Variants in SLC38A10 observed in about 807,000 individuals in gnomAD.
SLC38A10 encodes the protein solute carrier family 38 member 10, also known as Sodium-coupled neutral amino acid transporter 10.
SLC38A10 carries 53 observed loss-of-function variants against 81.0 expected under a neutral mutation model. The observed-to-expected ratio is 0.65, with a 90% CI of 0.53 to 0.82. SLC38A10 has a LOEUF of 0.82. SLC38A10 is among the 40% of genes least tolerant of loss of function. The probability of loss-of-function intolerance (pLI) is 0.00; values close to 1 mark genes in which losing one functional copy is unlikely to be tolerated. For missense variants in SLC38A10, 1,471 were observed against 1,545.0 expected, an observed-to-expected ratio of 0.95 and a Z score of 0.80; for synonymous variants, 665 against 655.3, an observed-to-expected ratio of 1.01 and a Z score of -0.23.
In SLC38A10 at chr17:81,246,436, C is replaced by A. The variant is rs746961245; in HGVS notation, c.2480G>T (p.Arg827Leu). ...ATCTCTCAGCTTGGCCTGGGCTGCC[C>A]GAGGCTCTGTGTCAGGGCCGCCGTC... ...PPDGGPDTEP[R>L]AAQAKLRDGQ... is the part of the protein sequence containing the mutation. The change falls in exon 16 of 16, where the codon CGG becomes CTG. Residue 827 changes from arginine to leucine, a missense_variant. By Grantham distance (102) the Arg-to-Leu change is moderately radical. Around this residue, in one of 2 missense-constraint regions of SLC38A10, gnomAD observed 751 missense variants for 717.4 expected, o/e 1.05. Coordinates refer to ENST00000374759, the MANE Select transcript of SLC38A10 (RefSeq NM_001037984.3). 1 of 1,595,644 alleles carries A rather than the reference C, an allele frequency of 6.3e-7. No homozygotes were observed. Among genetic ancestry groups the A allele is most frequent in the Admixed American group, 1.7e-5 (1 of 57,726 alleles).
In SLC38A10 at chr17:81,245,711, C is replaced by T. The variant is rs201229129; in HGVS notation, c.3205G>A (p.Gly1069Arg). 3.1e-5 allele frequency: 49 copies of T among 1,602,244 alleles called. No homozygotes were observed. The highest frequency in any genetic ancestry group is 2.9e-4 in the East Asian group (13 of 44,572). Residue 1069 changes from glycine (G) to arginine (R), a missense_variant, in exon 16 of 16, where the codon GGG becomes AGG. Coordinates refer to ENST00000374759, the MANE Select transcript of SLC38A10 (RefSeq NM_001037984.3). ...AGGGGGTTAAGGCCAATGATGACCC[C>T]ATCCCTCGGGGCCAGCTGACCCTCT... Reference protein sequence around the residue: ...HAEGQLAPRDGVIIGLNPLPD... With the variant: ...HAEGQLAPRDRVIIGLNPLPD...
At chr17:81,266,943 A>G (rs993699668) in intron 10 of SLC38A10, among the ~76,000 whole-genome samples, 5 of 152,272 alleles carry the variant, frequency 3.3e-5, no homozygotes, top group African/African-American at 1.2e-4. Flanking sequence ...AGAAAATAAA[A>G]CAAAGACTAT....
intron 11 of SLC38A10, among the ~76,000 whole-genome samples, chr17:81,255,255 T>C (rs2146895320): frequency 6.6e-6 from 1 of 152,392 alleles, no homozygotes; most frequent in Middle Eastern, 3.4e-3. Flanking sequence ...AGCCAAGGGC[T>C]GCACTCACAG....
chr17:81,259,603 G>T (rs904482341), intron 11 of SLC38A10, among the ~76,000 whole-genome samples: 2 of 152,190 alleles, frequency 1.3e-5, no homozygotes, highest in Admixed American at 6.5e-5. Flanking sequence ...CGGAGCTGCG[G>T]CTGCACCTGG....
In SLC38A10 at chr17:81,286,854, CT is replaced by C. The variant is rs921311836; in HGVS notation, c.218-1960del. 1.3e-5 allele frequency among the ~76,000 whole-genome samples: 2 copies of C among 152,142 alleles called. No homozygotes were observed. Among genetic ancestry groups the C allele is most frequent in the Non-Finnish European group, 2.9e-5 (2 of 68,034 alleles). Reference sequence around the variant, plus strand: ...AGGCCGCGTGGGGGCCAAACAGTCCCTGCTGCTGGGGGAGGCGGTTTCTAGC... The same window carrying C: ...AGGCCGCGTGGGGGCCAAACAGTCCCGCTGCTGGGGGAGGCGGTTTCTAGC... On this transcript the variant is annotated intron_variant, in intron 2 of 15. Coordinates refer to ENST00000374759, the MANE Select transcript of SLC38A10 (RefSeq NM_001037984.3). This position sits in a 1 kb window ranked among gnomAD's most constrained non-coding sequence, Gnocchi z 6.0.
At position 81,245,191 on chromosome 17, in the gene SLC38A10, C is replaced by T. The variant is rs990124248; in HGVS notation, c.*365G>A. On this transcript the variant is annotated 3_prime_UTR_variant, in exon 16 of 16. Transcript: ENST00000374759. ...ACGGCCGAGCTCAACCCGAAGACCA[C>T]GCGTGCTCCCTGGCAGGAGCAGGAG... 8.2e-6 allele frequency: 2 copies of T among 244,760 alleles called. No homozygotes were observed. Among genetic ancestry groups the T allele is most frequent in the Non-Finnish European group, 1.6e-5 (2 of 126,394 alleles). The allele number at this position is 244,760 out of a possible 1,614,324, so 15.2% of individuals were successfully genotyped here.
At chr17:81,271,871 C>G (rs2063118807) in intron 9 of SLC38A10, among the ~76,000 whole-genome samples, 1 of 151,210 alleles carries the variant, frequency 6.6e-6, no homozygotes, top group Non-Finnish European at 1.5e-5. Flanking sequence ...GGACTACAGG[C>G]ACCCGCCACC....
At chr17:81,247,180 CA>C in intron 14 of SLC38A10, 119 bp from the exon 15 acceptor site, 4 of 1,016,222 alleles carry the variant, frequency 3.9e-6, no homozygotes, top group Non-Finnish European at 5.5e-6. Flanking sequence ...TGTGCCCGAA[CA>C]CTGGCCACTG....
chr17:81,287,533 C>T (rs2063277813), intron 2 of SLC38A10, among the ~76,000 whole-genome samples: 1 of 152,254 alleles, frequency 6.6e-6, no homozygotes, highest in Admixed American at 6.5e-5. Flanking sequence ...CCAGGGGCCT[C>T]TGTCCGGAGC....
rs1206691543 is a variant in SLC38A10 at position 81,280,708 on chromosome 17, C to A, written c.527G>T (p.Gly176Val). The change falls in exon 6 of 16, where the codon GGC (glycine) becomes GTC (valine). Residue 176 changes from glycine (G) to valine (V), a missense_variant. By Grantham distance (109) the Gly-to-Val change is moderately radical. This residue lies in a region of SLC38A10 where 720 missense variants were observed against 827.7 expected (regional missense o/e 0.87). Coordinates refer to ENST00000374759, the MANE Select transcript of SLC38A10 (RefSeq NM_001037984.3). ...CCGCAGCCACTGCCCACTGAAGAGG[C>A]CGTGCTTGAGAGAGGAGAGCACGAT... ...FVIVLSSLKH[G>V]LFSGQWLRRV... The A allele has an allele frequency of 6.2e-7, 1 of 1,613,508 alleles. No homozygotes were observed. The highest frequency in any genetic ancestry group is 8.5e-7 in the Non-Finnish European group (1 of 1,179,828).
At chr17:81,279,082 C>A (rs2063186179) in intron 6 of SLC38A10, among the ~76,000 whole-genome samples, 1 of 152,248 alleles carries the variant, frequency 6.6e-6, no homozygotes, top group Non-Finnish European at 1.5e-5. Context: ...AAGGCAGCCT[C>A]TGAGCCTCAG....
chr17:81,275,727 G>A (rs1428273152), intron 8 of SLC38A10, among the ~76,000 whole-genome samples: 3 of 45,986 alleles, frequency 6.5e-5, no homozygotes, highest in East Asian at 2.8e-4. Flanking sequence ...GCGAAACTCC[G>A]TCTCAAAAAA....
At chr17:81,278,287 G>C (rs1467928939) in intron 6 of SLC38A10, among the ~76,000 whole-genome samples, 1 of 152,226 alleles carries the variant, frequency 6.6e-6, no homozygotes, top group Non-Finnish European at 1.5e-5. Context: ...GGGAGGCCGA[G>C]GCAGGAGGAT....
At chr17:81,260,541 C>A in intron 10 of SLC38A10, 147 bp from the exon 11 acceptor site, 2 of 1,134,754 alleles carry the variant, frequency 1.8e-6, no homozygotes, top group Non-Finnish European at 2.4e-6. Flanking sequence ...ACGGGACAGG[C>A]GTGCAGTCGG....
At chr17:81,293,147 A>G (rs951702504) in intron 1 of SLC38A10, among the ~76,000 whole-genome samples, 2 of 152,230 alleles carry the variant, frequency 1.3e-5, no homozygotes, top group Non-Finnish European at 2.9e-5. Flanking sequence ...TGGGTGACAG[A>G]GCGAGACTCC....
chr17:81,247,109 C>T lies in SLC38A10; in HGVS notation c.2066-48G>A, dbSNP rs377118913. The T allele has an allele frequency of 2.0e-4, 304 of 1,527,250 alleles. 1 individual carries two copies. In the African/African-American group the frequency reaches 3.8e-3, roughly 19 times the overall value. The allele number at this position is 1,527,250 out of a possible 1,614,324, so 94.6% of individuals were successfully genotyped here. A position where few individuals can be genotyped will look rare whatever the true frequency, so the allele number is the denominator to read the frequency against. ...CAGAGTGCCCGGGCTGCTCATGCAC[C>T]GTGCTGGGCCAGGGACGGCGCGGCC... On this transcript the variant is annotated intron_variant, in intron 14 of 15. Transcript: ENST00000374759.
At chr17:81,293,304 G>A (rs1330872881) in intron 1 of SLC38A10, among the ~76,000 whole-genome samples, 1 of 152,252 alleles carries the variant, frequency 6.6e-6, no homozygotes, top group Non-Finnish European at 1.5e-5. Context: ...GAGGTGGCTG[G>A]CAGAAAGCTG....
chr17:81,289,876 A>C lies in SLC38A10; in HGVS notation c.100-68T>G. 2 of 1,326,496 alleles carry C rather than the reference A, an allele frequency of 1.5e-6. No individual in the cohort carries two copies. Among genetic ancestry groups the C allele is most frequent in the Non-Finnish European group, 1.0e-6 (1 of 975,216 alleles). The allele number at this position is 1,326,496 out of a possible 1,614,324, so 82.2% of individuals were successfully genotyped here. On this transcript the variant is annotated intron_variant, in intron 1 of 15. Coordinates refer to ENST00000374759, the MANE Select transcript of SLC38A10 (RefSeq NM_001037984.3). The surrounding 1 kb of genome is among the most constrained non-coding windows in gnomAD (Gnocchi z 5.9). ...CTCCCCAGAGGCCCTCACCCCACAC[A>C]CGCGGCTCATGAGGACCCTCTTCAC... is the stretch of plus-strand genomic sequence containing the variant.
In SLC38A10 at chr17:81,246,103, G is replaced by C. The variant is rs371531250; in HGVS notation, c.2813C>G (p.Ala938Gly). The C allele has an allele frequency of 2.7e-5, 44 of 1,608,636 alleles. No homozygotes were observed. In the Admixed American group the frequency reaches 6.2e-4, roughly 23 times the overall value. The change falls in exon 16 of 16, where the codon GCA becomes GGA. Residue 938 changes from alanine to glycine, a missense_variant. Ala to Gly is a moderately conservative substitution (Grantham distance 60). This residue lies in a region of SLC38A10 where 751 missense variants were observed against 717.4 expected (regional missense o/e 1.05). Transcript: ENST00000374759. ...TTCCGCCCCACCGGGCAGGTCCGCT[G>C]CAAGGCCCAGGTCTCGGCTCACTTG... Reference protein sequence around the residue: ...PKQVSRDLGLAADLPGGAEGA... With the variant: ...PKQVSRDLGLGADLPGGAEGA...
Sources: allele counts gnomAD v4.1 joint callset (sites outside exome capture counted in the v4.1 genomes callset), GRCh38; gene constraint gnomAD v4.1.1; regional missense constraint gnomAD v4.1.1; non-coding constraint Gnocchi (gnomAD v3.1); transcripts MANE v1.5; gene names NCBI Gene and HGNC (gene_info 2026-07-23, HGNC 2026-07-21).